CRB1: variants seen among roughly 807,000 people sequenced by gnomAD.
CRB1 encodes crumbs cell polarity complex component 1.
Under a neutral mutation model 120.0 loss-of-function variants are expected in CRB1, and 83 were observed. The observed-to-expected ratio is 0.69, with a 90% CI of 0.58 to 0.83. The LOEUF (loss-of-function observed/expected upper bound fraction) is 0.83. Ranked by LOEUF, CRB1 falls within the 40% of genes least tolerant of loss-of-function variation. The pLI, the probability that CRB1 is intolerant of heterozygous loss-of-function variation, is 0.00. For synonymous variants in CRB1, 625 were observed against 612.5 expected, an observed-to-expected ratio of 1.02 and a Z score of -0.30; for missense variants, 1,699 against 1,687.6, an observed-to-expected ratio of 1.01 and a Z score of -0.12.
chr1:197,415,871 T>C (rs957435732), intron 5 of CRB1, among the ~76,000 whole-genome samples: 2 of 152,262 alleles, frequency 1.3e-5, no homozygotes, highest in South Asian at 4.2e-4. Flanking sequence ...CTCGATCTCC[T>C]GATCTCGTGA....
chr1:197,446,983 C>A (rs144030849), intron 11 of CRB1, among the ~76,000 whole-genome samples: 171 of 152,240 alleles, frequency 1.1e-3, no homozygotes, highest in African/African-American at 3.8e-3. Context: ...ATATTCCATT[C>A]TTTGTATATG....
chr1:197,319,474 A>G (rs973725918), intron 1 of CRB1, among the ~76,000 whole-genome samples: 1 of 148,326 alleles, frequency 6.7e-6, no homozygotes, highest in African/African-American at 2.5e-5. Context: ...AACGGAGAAT[A>G]TTTTTTAAAT....
chr1:197,237,824 TTTTCTC>T, the CRB1 span, among the ~76,000 whole-genome samples: 1 of 152,146 alleles, frequency 6.6e-6, no homozygotes, highest in South Asian at 2.1e-4. Flanking sequence ...CTTTCACTGA[TTTTCTC>T]TTTTGTTTTC....
the CRB1 span, among the ~76,000 whole-genome samples, chr1:197,226,481 C>A: frequency 1.4e-4 from 21 of 152,174 alleles, no homozygotes; most frequent in African/African-American, 4.8e-4. Context: ...CAGGAAGATA[C>A]TTGTTTTAGA....
At chr1:197,430,078 A>C (rs1664801130) in intron 8 of CRB1, among the ~76,000 whole-genome samples, 1 of 152,214 alleles carries the variant, frequency 6.6e-6, no homozygotes, top group African/African-American at 2.4e-5. Flanking sequence ...CTTATCTGTA[A>C]ATAATCAAAC....
intron 2 of CRB1, among the ~76,000 whole-genome samples, chr1:197,343,408 T>C (rs1659583468): frequency 6.6e-6 from 1 of 152,182 alleles, no homozygotes; most frequent in Admixed American, 6.5e-5. Context: ...TAAATACTAC[T>C]ACAACTTGTA....
At chr1:197,295,487 G>A (rs566725611) in intron 1 of CRB1, among the ~76,000 whole-genome samples, 4 of 152,108 alleles carry the variant, frequency 2.6e-5, no homozygotes, top group Non-Finnish European at 5.9e-5. Flanking sequence ...GATTCCGCAA[G>A]TAAAAAATTT....
At chr1:197,262,171 G>A in the CRB1 span, among the ~76,000 whole-genome samples, 1 of 152,036 alleles carries the variant, frequency 6.6e-6, no homozygotes, top group Non-Finnish European at 1.5e-5. Context: ...TGTATAGTAC[G>A]TGTAAAACAA....
intron 11 of CRB1, among the ~76,000 whole-genome samples, chr1:197,452,225 C>T: frequency 6.6e-6 from 1 of 152,170 alleles, no homozygotes; most frequent in Non-Finnish European, 1.5e-5. Context: ...AGGAAATTCC[C>T]TATCCCATTT....
At chr1:197,419,587 TC>T (rs1406010423) in intron 5 of CRB1, among the ~76,000 whole-genome samples, 1 of 152,032 alleles carries the variant, frequency 6.6e-6, no homozygotes. Context: ...GATCTGAAAC[TC>T]CTGGCCTTAA....
intron 5 of CRB1, among the ~76,000 whole-genome samples, chr1:197,370,070 C>A (rs1020475940): frequency 6.6e-6 from 1 of 152,052 alleles, no homozygotes; most frequent in Non-Finnish European, 1.5e-5. Context: ...GAAGGAAAGA[C>A]ACAATCTTTT....
At chr1:197,302,778 C>A (rs1012077865) in intron 1 of CRB1, among the ~76,000 whole-genome samples, 1 of 152,078 alleles carries the variant, frequency 6.6e-6, no homozygotes, top group African/African-American at 2.4e-5. Flanking sequence ...ACACAAGAGC[C>A]CCTTTAGGTC....
intron 5 of CRB1, chr1:197,360,385 CA>C (rs1308950872): frequency 6.6e-6 from 1 of 152,164 alleles, no homozygotes; most frequent in African/African-American, 2.4e-5. Context: ...TGCATGCTGC[CA>C]ACTGCCCCGC....
At chr1:197,274,049 G>A (rs558395277) in intron 1 of CRB1, among the ~76,000 whole-genome samples, 18 of 152,072 alleles carry the variant, frequency 1.2e-4, no homozygotes, top group African/African-American at 3.9e-4. Flanking sequence ...ATCTCTATAT[G>A]TAAATCTGTG....
chr1:197,341,297 C>G (rs1470871312), intron 2 of CRB1, among the ~76,000 whole-genome samples: 3 of 152,168 alleles, frequency 2.0e-5, no homozygotes, highest in Non-Finnish European at 4.4e-5. Context: ...AATCCCAGCA[C>G]TTTGGGAGGC....
chr1:197,298,736 G>C (rs1162240479), intron 1 of CRB1, among the ~76,000 whole-genome samples: 1 of 152,062 alleles, frequency 6.6e-6, no homozygotes, highest in East Asian at 1.9e-4. Flanking sequence ...TATATAAGTG[G>C]AAAATTATAC....
At chr1:197,379,605 CAAAAAA>C (rs75820081) in intron 5 of CRB1, among the ~76,000 whole-genome samples, 4 of 74,386 alleles carry the variant, frequency 5.4e-5, no homozygotes, top group African/African-American at 1.1e-4. Flanking sequence ...CGGCCCCGGC[CAAAAAA>C]AAAAAAAAAA....
chr1:197,343,666 T>A (rs946760955), intron 2 of CRB1, among the ~76,000 whole-genome samples: 9 of 152,218 alleles, frequency 5.9e-5, no homozygotes, highest in African/African-American at 2.2e-4. Context: ...TACAATAGAT[T>A]TTTTGTGGAA....
intron 5 of CRB1, 62 bp from the exon 6 acceptor site, chr1:197,420,938 C>A (rs371942379): frequency 1.1e-5 from 12 of 1,083,030 alleles, no homozygotes; most frequent in South Asian, 7.5e-5. Flanking sequence ...AAGTAAATTA[C>A]GTGAAACTTC....
Sources: allele counts gnomAD v4.1 joint callset (sites outside exome capture counted in the v4.1 genomes callset), GRCh38; gene constraint gnomAD v4.1.1; transcripts MANE v1.5; gene names NCBI Gene and HGNC (gene_info 2026-07-23, HGNC 2026-07-21).